Variants in ITPR2 observed in about 807,000 individuals in gnomAD.
ITPR2 encodes the protein inositol 1,4,5-trisphosphate-gated calcium channel ITPR2.
A neutral mutation model predicts 317.1 loss-of-function variants in ITPR2; 207 were observed. That is an observed-to-expected ratio of 0.65 (90% CI 0.58 to 0.73). The LOEUF (loss-of-function observed/expected upper bound fraction) is 0.73. Ranked by LOEUF, ITPR2 falls within the 30% of genes least tolerant of loss-of-function variation. ITPR2 has a pLI of 0.00. For synonymous variants in ITPR2, 1,156 were observed against 1,149.1 expected, an observed-to-expected ratio of 1.01 and a Z score of -0.12; for missense variants, 2,613 against 3,284.0, an observed-to-expected ratio of 0.80 and a Z score of 4.99.
At chr12:26,673,527 T>G (rs1947838529) in intron 13 of ITPR2, among the ~76,000 whole-genome samples, 1 of 151,062 alleles carries the variant, frequency 6.6e-6, no homozygotes, top group Admixed American at 6.6e-5. Flanking sequence ...ATAAATTAGG[T>G]ATTGATGGGA....
chr12:26,792,157 CATA>C (rs1007883066), intron 1 of ITPR2, among the ~76,000 whole-genome samples: 1 of 152,030 alleles, frequency 6.6e-6, no homozygotes, highest in Admixed American at 6.5e-5. Context: ...CAGATAAAAA[CATA>C]ATAATTAAGA....
chr12:26,820,122 AC>A (rs1300229615), intron 1 of ITPR2, among the ~76,000 whole-genome samples: 1 of 152,176 alleles, frequency 6.6e-6, no homozygotes, highest in Non-Finnish European at 1.5e-5. Flanking sequence ...TGTAAGCTTT[AC>A]CACATATTGA....
At chr12:26,574,087 G>A (rs952568701) in intron 34 of ITPR2, among the ~76,000 whole-genome samples, 9 of 152,100 alleles carry the variant, frequency 5.9e-5, no homozygotes, top group Admixed American at 5.2e-4. Flanking sequence ...CAAAAGGGAA[G>A]AATCCACTGT....
intron 2 of ITPR2, among the ~76,000 whole-genome samples, chr12:26,789,437 C>T (rs895704170): frequency 6.6e-6 from 1 of 152,102 alleles, no homozygotes; most frequent in African/African-American, 2.4e-5. Context: ...TTTATTAAGG[C>T]CGTTTTTCAC....
intron 2 of ITPR2, among the ~76,000 whole-genome samples, chr12:26,784,274 TCTC>T (rs1439940639): frequency 4.4e-4 from 4 of 9,110 alleles, no homozygotes; most frequent in Non-Finnish European, 7.9e-4. Context: ...TCCCTCTCCC[TCTC>T]CCTCTCCCTC....
intron 37 of ITPR2, among the ~76,000 whole-genome samples, chr12:26,522,323 A>G (rs892212282): frequency 1.3e-5 from 2 of 152,240 alleles, no homozygotes; most frequent in African/African-American, 2.4e-5. Context: ...ACTATTAGAC[A>G]TGAAGTAGCC....
chr12:26,821,012 G>A (rs1308377767), intron 1 of ITPR2, among the ~76,000 whole-genome samples: 1 of 152,182 alleles, frequency 6.6e-6, no homozygotes, highest in Non-Finnish European at 1.5e-5. Context: ...AAAGGATACA[G>A]AGTTTCTGTC....
rs745486941 is a variant in ITPR2 at position 26,495,259 on chromosome 12, C to T, written c.5075G>A (p.Gly1692Asp). 2.0e-6 allele frequency: 3 copies of T among 1,490,940 alleles called. No homozygotes were observed. The highest frequency in any genetic ancestry group is 2.3e-5 in the South Asian group (2 of 87,182). The allele number at this position is 1,490,940 out of a possible 1,614,324, so 92.4% of individuals were successfully genotyped here. A position where few individuals can be genotyped will look rare whatever the true frequency, so the allele number is the denominator to read the frequency against. ...LEKKDSFVEE[G>D]NTLRKILLNR... The stretch of plus-strand genomic sequence containing the variant: ...CAGAAGTATCTTTCTTAATGTGTTA[C>T]CCTAATAAGAAGGATAACAAAGAGT... Residue 1692 changes from glycine to aspartate, a missense_variant and splice_region_variant, in exon 38 of 57, where the codon GGT (glycine) becomes GAT (aspartate). Gly to Asp is a moderately conservative substitution (Grantham distance 94). Transcript: ENST00000381340.
intron 20 of ITPR2, among the ~76,000 whole-genome samples, chr12:26,655,052 T>A (rs764080537): frequency 3.9e-5 from 6 of 152,206 alleles, no homozygotes; most frequent in Non-Finnish European, 8.8e-5. Context: ...ATACACCAGT[T>A]ATCAAGTAAC....
chr12:26,567,444 T>C (rs1258738369), intron 34 of ITPR2, among the ~76,000 whole-genome samples: 4 of 152,314 alleles, frequency 2.6e-5, no homozygotes, highest in African/African-American at 9.6e-5. Context: ...CCCATTTCGA[T>C]TGATATTATC....
rs560290535 is a variant in ITPR2, at chr12:26,602,725, T to C, written c.3463-19A>G. The C allele has an allele frequency of 7.6e-5, 104 of 1,372,894 alleles. No individual in the cohort carries two copies. The highest frequency in any genetic ancestry group is 1.2e-4 in the East Asian group (5 of 43,360). 85.0% of individuals were successfully genotyped at this position (1,372,894 alleles called of 1,614,324 possible). A position where few individuals can be genotyped will look rare whatever the true frequency, so the allele number is the denominator to read the frequency against. On this transcript the variant is annotated intron_variant, in intron 26 of 56. Coordinates refer to ENST00000381340, the MANE Select transcript of ITPR2 (RefSeq NM_002223.4). ...TTGATTCCTAAAAGGAACACAAATA[T>C]GTACTTTTATGCCATTTGTAGCTTT...
intron 21 of ITPR2, 126 bp from the exon 22 acceptor site, chr12:26,632,185 C>G (rs1451027714): frequency 1.8e-6 from 1 of 555,746 alleles, no homozygotes; most frequent in Non-Finnish European, 2.9e-6. Flanking sequence ...GACAGAATAG[C>G]ATAAGCATTG....
chr12:26,547,048 A>C (rs939560548), intron 37 of ITPR2, among the ~76,000 whole-genome samples: 1 of 152,208 alleles, frequency 6.6e-6, no homozygotes, highest in African/African-American at 2.4e-5. Context: ...AAAATAGACA[A>C]ATGGGACTAT....
At chr12:26,741,903 T>C (rs934708110) in intron 2 of ITPR2, among the ~76,000 whole-genome samples, 4 of 152,132 alleles carry the variant, frequency 2.6e-5, no homozygotes, top group Non-Finnish European at 2.9e-5. Context: ...TGTTAAACAA[T>C]GGAAGAGGAA....
At chr12:26,697,159 A>G (rs1397936220) in intron 9 of ITPR2, among the ~76,000 whole-genome samples, 1 of 152,228 alleles carries the variant, frequency 6.6e-6, no homozygotes, top group Non-Finnish European at 1.5e-5. Context: ...CTGCGCTGCA[A>G]ATGCACCCAT....
At chr12:26,543,157 C>G (rs1280116307) in intron 37 of ITPR2, among the ~76,000 whole-genome samples, 2 of 152,182 alleles carry the variant, frequency 1.3e-5, no homozygotes, top group Non-Finnish European at 2.9e-5. Context: ...CCAAACCATT[C>G]CTCTGAGTGC....
intron 52 of ITPR2, among the ~76,000 whole-genome samples, chr12:26,402,601 G>A (rs1940212748): frequency 6.6e-6 from 1 of 152,218 alleles, no homozygotes; most frequent in Admixed American, 6.5e-5. Context: ...TTTTCTGAGT[G>A]TCATGTAAAT....
At chr12:26,781,990 CTGTATA>C (rs1232434317) in intron 2 of ITPR2, among the ~76,000 whole-genome samples, 66 of 60,342 alleles carry the variant, frequency 1.1e-3, no homozygotes, top group African/African-American at 3.9e-3. Context: ...ATAAACTCCC[CTGTATA>C]TATATATATA....
chr12:26,714,167 T>C (rs1035411136), intron 8 of ITPR2, among the ~76,000 whole-genome samples: 1 of 152,262 alleles, frequency 6.6e-6, no homozygotes, highest in Non-Finnish European at 1.5e-5. Flanking sequence ...CTCAGCTCAT[T>C]TGCAGAGGCA....
Sources: gnomAD v4.1 joint callset for allele counts (sites outside exome capture counted in the v4.1 genomes callset) on GRCh38, gnomAD v4.1.1 for gene constraint, MANE v1.5 for transcripts, NCBI Gene and HGNC (gene_info 2026-07-23, HGNC 2026-07-21) for gene names.